FRAS1: variants seen among roughly 807,000 people sequenced by gnomAD.
FRAS1 encodes Fraser extracellular matrix complex subunit 1.
Under a neutral mutation model 435.2 loss-of-function variants are expected in FRAS1, and 290 were observed. The observed-to-expected ratio is 0.67, with a 90% CI of 0.61 to 0.73. The LOEUF is 0.73. Ranked by LOEUF, FRAS1 falls within the 30% of genes least tolerant of loss-of-function variation. FRAS1 has a pLI of 0.00. For missense variants in FRAS1, 4,860 were observed against 5,001.5 expected, an observed-to-expected ratio of 0.97 and a Z score of 0.85; for synonymous variants, 1,800 against 1,851.0, an observed-to-expected ratio of 0.97 and a Z score of 0.71.
In FRAS1 at chr4:78,369,933, G is replaced by C. The variant is rs573458782; in HGVS notation, c.2818G>C (p.Glu940Gln). The C allele has an allele frequency of 5.6e-5, 90 of 1,613,778 alleles. No individual in the cohort carries two copies. Among genetic ancestry groups the C allele is most frequent in the Non-Finnish European group, 7.5e-5 (88 of 1,179,768 alleles). The change falls in exon 23 of 74, where the codon GAG (glutamate) becomes CAG (glutamine). Residue 940 changes from glutamate (E) to glutamine (Q), a missense_variant. Physicochemically the swap from Glu to Gln is conservative, Grantham distance 29. Coordinates refer to ENST00000512123, the MANE Select transcript of FRAS1 (RefSeq NM_025074.7). Reference protein sequence around the residue: ...KVLLFGECQYESCAPQYYLDF... With the variant: ...KVLLFGECQYQSCAPQYYLDF... Reference sequence around the variant, plus strand: ...TCTGCTCTTTGGGGAATGTCAATACGAGAGCTGCGCCCCACAGTACTATCT... The same window carrying C: ...TCTGCTCTTTGGGGAATGTCAATACCAGAGCTGCGCCCCACAGTACTATCT...
chr4:78,375,569 T>C (rs17003169), intron 25 of FRAS1, among the ~76,000 whole-genome samples, 170 bp from the exon 26 acceptor site: 27,786 of 152,238 alleles, frequency 0.18, 2,886 homozygotes, highest in Admixed American at 0.25. Flanking sequence ...TGTTCCTCTC[T>C]GTAGATCAGC....
In FRAS1 at chr4:78,096,548, T is replaced by C. The variant is rs191794478; in HGVS notation, c.108+30532T>C. On this transcript the variant is annotated intron_variant, in intron 2 of 73. Coordinates refer to ENST00000512123, the MANE Select transcript of FRAS1 (RefSeq NM_025074.7). ...GGAATCCAGGCATTTCCATACATCC[T>C]ATGAAATCTAGGTGGGGTTCCCAGA... Among the ~76,000 whole-genome samples the C allele has an allele frequency of 2.0e-3, 304 of 152,332 alleles. 4 individuals are homozygous for C. Among genetic ancestry groups the C allele is most frequent in the Admixed American group, 0.015 (236 of 15,302 alleles).
chr4:78,244,786 C>T (rs1330811892), intron 3 of FRAS1, among the ~76,000 whole-genome samples: 1 of 152,132 alleles, frequency 6.6e-6, no homozygotes, highest in Non-Finnish European at 1.5e-5. Flanking sequence ...ACCTCCTGTC[C>T]CAGGTAAAAG....
At chr4:78,093,431 A>G (rs1037993006) in intron 2 of FRAS1, among the ~76,000 whole-genome samples, 17 of 152,334 alleles carry the variant, frequency 1.1e-4, no homozygotes, top group African/African-American at 3.6e-4. Context: ...CTTACATTGA[A>G]AAAGAAAAAC....
chr4:78,493,712 G>A (rs753248064), intron 59 of FRAS1, among the ~76,000 whole-genome samples: 9 of 151,974 alleles, frequency 5.9e-5, no homozygotes, highest in Non-Finnish European at 1.0e-4. Flanking sequence ...TTTAAATGAC[G>A]GGTTGATGGG....
chr4:78,330,908 G>A (rs1412521902), intron 18 of FRAS1, among the ~76,000 whole-genome samples: 1 of 152,040 alleles, frequency 6.6e-6, no homozygotes, highest in African/African-American at 2.4e-5. Flanking sequence ...CACCCTATTC[G>A]TATCCTCCTT....
At chr4:78,190,140 T>G (rs143815869) in intron 2 of FRAS1, among the ~76,000 whole-genome samples, 50 of 152,364 alleles carry the variant, frequency 3.3e-4, no homozygotes, top group African/African-American at 1.2e-3. Flanking sequence ...GTGCACACTC[T>G]TTACCTTGGT....
Position 78,057,877 on chromosome 4 carries a change from T to C in FRAS1, c.-133T>C. On this transcript the variant is annotated 5_prime_UTR_variant, in exon 1 of 74. Transcript: ENST00000512123. This position sits in a 1 kb window ranked among gnomAD's most constrained non-coding sequence, Gnocchi z 4.2. ...TCGCTCTCCGCCCGTCCATCTCTTTTTCCCGGAGGTAAAGGCCCGCGGTCC... is the reference window on the plus strand; with the variant it reads ...TCGCTCTCCGCCCGTCCATCTCTTTCTCCCGGAGGTAAAGGCCCGCGGTCC... 1.4e-6 allele frequency: 1 copy of C among 736,918 alleles called. No individual in the cohort carries two copies. Among genetic ancestry groups the C allele is most frequent in the Non-Finnish European group, 2.3e-6 (1 of 437,008 alleles). 45.6% of individuals were successfully genotyped at this position (736,918 alleles called of 1,614,324 possible).
At chr4:78,172,467 GACAA>G (rs1387401516) in intron 2 of FRAS1, among the ~76,000 whole-genome samples, 2 of 152,064 alleles carry the variant, frequency 1.3e-5, no homozygotes, top group Non-Finnish European at 2.9e-5. Context: ...CTAAGTGACT[GACAA>G]ACACTTTTTT....
chr4:78,283,953 A>T (rs966796719), intron 12 of FRAS1, among the ~76,000 whole-genome samples: 1 of 152,198 alleles, frequency 6.6e-6, no homozygotes, highest in African/African-American at 2.4e-5. Context: ...AAAGAAGAAA[A>T]TGGGGTGCAT....
intron 23 of FRAS1, 106 bp from the exon 24 acceptor site, chr4:78,372,612 G>A (rs1731558943): frequency 3.7e-6 from 5 of 1,348,546 alleles, no homozygotes; most frequent in Non-Finnish European, 5.2e-6. Flanking sequence ...CTCTTACGTT[G>A]TCCTTATTTT....
At chr4:78,166,668 C>T (rs1422995199) in intron 2 of FRAS1, among the ~76,000 whole-genome samples, 2 of 152,114 alleles carry the variant, frequency 1.3e-5, no homozygotes, top group African/African-American at 4.8e-5. Context: ...TTGAATATAG[C>T]AAATAGAATT....
intron 2 of FRAS1, among the ~76,000 whole-genome samples, chr4:78,208,475 T>C (rs965640085): frequency 5.9e-5 from 9 of 152,008 alleles, no homozygotes; most frequent in African/African-American, 2.2e-4. Flanking sequence ...GAATTCAGAA[T>C]GTCAGTTATC....
At chr4:78,537,965 A>C (rs1487748398) in intron 72 of FRAS1, among the ~76,000 whole-genome samples, 3 of 152,114 alleles carry the variant, frequency 2.0e-5, no homozygotes, top group Non-Finnish European at 4.4e-5. Context: ...AAAGAAAAAA[A>C]AAAGCCATAA....
intron 3 of FRAS1, among the ~76,000 whole-genome samples, chr4:78,239,972 AT>A (rs1400883930): frequency 2.6e-5 from 4 of 151,886 alleles, no homozygotes; most frequent in African/African-American, 9.7e-5. Context: ...TTTTAATGGT[AT>A]TTTTCGTTTA....
At chr4:78,228,104 T>C (rs1052708499) in intron 2 of FRAS1, among the ~76,000 whole-genome samples, 2 of 152,112 alleles carry the variant, frequency 1.3e-5, no homozygotes, top group African/African-American at 4.8e-5. Context: ...GACAAGAAAA[T>C]AAATAATTTT....
At chr4:78,530,152 T>TTA (rs2109901705) in intron 70 of FRAS1, among the ~76,000 whole-genome samples, 1 of 152,242 alleles carries the variant, frequency 6.6e-6, no homozygotes, top group African/African-American at 2.4e-5. Flanking sequence ...AAGAAAATTC[T>TTA]TATATATATC....
At chr4:78,199,368 T>C (rs7683203) in intron 2 of FRAS1, among the ~76,000 whole-genome samples, 145,967 of 152,316 alleles carry the variant, frequency 0.96, 70,238 homozygotes, top group East Asian at 1. Context: ...CAGAGATGAT[T>C]ACCTCTGTGG....
chr4:78,084,902 G>C (rs1741072628), intron 2 of FRAS1, among the ~76,000 whole-genome samples: 1 of 152,026 alleles, frequency 6.6e-6, no homozygotes, highest in African/African-American at 2.4e-5. Context: ...TTATGCCTAT[G>C]CTTCCATTAA....
Sources: allele counts gnomAD v4.1 joint callset (sites outside exome capture counted in the v4.1 genomes callset), GRCh38; gene constraint gnomAD v4.1.1; non-coding constraint Gnocchi (gnomAD v3.1); transcripts MANE v1.5; gene names NCBI Gene and HGNC (gene_info 2026-07-23, HGNC 2026-07-21).